Variants in ADAMTS3 observed in about 807,000 individuals in gnomAD.
ADAMTS3 encodes ADAM metallopeptidase with thrombospondin type 1 motif 3.
A neutral mutation model predicts 129.0 loss-of-function variants in ADAMTS3; 73 were observed. That is an observed-to-expected ratio of 0.57 (90% CI 0.47 to 0.69). ADAMTS3 has a LOEUF of 0.69. Among genes scored for constraint, ADAMTS3 ranks in the 30% least tolerant of loss-of-function variants. The pLI is 0.00. For synonymous variants in ADAMTS3, 477 were observed against 510.8 expected, an observed-to-expected ratio of 0.93 and a Z score of 0.89; for missense variants, 1,457 against 1,514.5, an observed-to-expected ratio of 0.96 and a Z score of 0.63.
At chr4:72,380,594 A>G (rs1721261382) in intron 4 of ADAMTS3, among the ~76,000 whole-genome samples, 1 of 152,144 alleles carries the variant, frequency 6.6e-6, no homozygotes, top group Non-Finnish European at 1.5e-5. Flanking sequence ...TTCTGGTAAG[A>G]CAAGAACACC....
At chr4:72,568,559 A>G in intron 1 of ADAMTS3, 135 bp downstream of exon 1, 1 of 736,268 alleles carries the variant, frequency 1.4e-6, no homozygotes, top group Non-Finnish European at 2.3e-6. Flanking sequence ...CCCTCAAAAC[A>G]CCGTTTCTGA....
At position 72,381,843 on chromosome 4, in the gene ADAMTS3, G is replaced by A. The variant is rs769810221; in HGVS notation, c.661+32972C>T. ...TGGTGAAGTAATTACAATAATATAA[G>A]AAATAAATTGAAATATTGATAACCA... On this transcript the variant is annotated intron_variant, in intron 4 of 21. Transcript: ENST00000286657. 2.0e-5 allele frequency among the ~76,000 whole-genome samples: 3 copies of A among 152,132 alleles called. No individual in the cohort carries two copies. The East Asian group carries it at 5.8e-4, about 29-fold the overall frequency.
At chr4:72,329,526 A>G (rs114366971) in intron 5 of ADAMTS3, among the ~76,000 whole-genome samples, 2,693 of 152,298 alleles carry the variant, frequency 0.018, 82 homozygotes, top group African/African-American at 0.061. Flanking sequence ...TCAAATGATT[A>G]GCAAAGCTAT....
chr4:72,467,941 A>C (rs1163919144), intron 3 of ADAMTS3, among the ~76,000 whole-genome samples: 1 of 152,084 alleles, frequency 6.6e-6, no homozygotes, highest in African/African-American at 2.4e-5. Flanking sequence ...ATGTTCAAAG[A>C]GGTTAAGCTA....
At chr4:72,346,729 T>C (rs1185468904) in intron 4 of ADAMTS3, among the ~76,000 whole-genome samples, 1 of 152,194 alleles carries the variant, frequency 6.6e-6, no homozygotes. Flanking sequence ...CTCGTTGTTA[T>C]AGCTGAGATT....
intron 11 of ADAMTS3, 130 bp downstream of exon 11, chr4:72,315,728 T>C (rs950039914): frequency 3.4e-6 from 2 of 586,026 alleles, no homozygotes; most frequent in African/African-American, 3.9e-5. Flanking sequence ...TACATTACTT[T>C]AATAAAGCCT....
chr4:72,390,497 C>T (rs147857493), intron 4 of ADAMTS3, among the ~76,000 whole-genome samples: 5 of 152,268 alleles, frequency 3.3e-5, no homozygotes, highest in African/African-American at 1.2e-4. Context: ...AGGCAGACTA[C>T]ATCCAAAGCT....
rs148091924 is a variant in ADAMTS3, at chr4:72,369,100, G to A, written c.662-29407C>T. ...ATTGCAAAGAATAGGATGAAAAACA[G>A]TTAAAAGTAGATCCGAACACTTACA... On this transcript the variant is annotated intron_variant, in intron 4 of 21. Coordinates refer to ENST00000286657, the MANE Select transcript of ADAMTS3 (RefSeq NM_014243.3). 1.4e-3 allele frequency among the ~76,000 whole-genome samples: 209 copies of A among 152,326 alleles called. 1 individual carries two copies. Among genetic ancestry groups the A allele is most frequent in the Non-Finnish European group, 2.5e-4 (17 of 68,026 alleles).
intron 4 of ADAMTS3, among the ~76,000 whole-genome samples, chr4:72,341,601 T>C (rs1011362031): frequency 6.6e-6 from 1 of 152,190 alleles, no homozygotes; most frequent in African/African-American, 2.4e-5. Context: ...ATGGCTCCTG[T>C]TGGCAGAATG....
At chr4:72,520,433 T>C (rs1401076193) in intron 3 of ADAMTS3, among the ~76,000 whole-genome samples, 2 of 152,178 alleles carry the variant, frequency 1.3e-5, no homozygotes, top group Non-Finnish European at 2.9e-5. Context: ...GTCTGTGCCC[T>C]GCCCCCAGAG....
chr4:72,529,651 A>G (rs984698867), intron 3 of ADAMTS3, among the ~76,000 whole-genome samples: 1 of 130,352 alleles, frequency 7.7e-6, no homozygotes, highest in Non-Finnish European at 1.6e-5. Flanking sequence ...AATACATTAT[A>G]ATATATATAT....
intron 4 of ADAMTS3, among the ~76,000 whole-genome samples, chr4:72,400,026 C>T (rs545145896): frequency 3.0e-4 from 2 of 6,562 alleles, no homozygotes; most frequent in African/African-American, 8.3e-4. Flanking sequence ...TGTGTATATA[C>T]GTGTGTATAT....
chr4:72,516,675 T>A (rs547074006), intron 3 of ADAMTS3, among the ~76,000 whole-genome samples: 1 of 152,166 alleles, frequency 6.6e-6, no homozygotes, highest in Admixed American at 6.5e-5. Context: ...GTGATTTTTG[T>A]ACATTGATTT....
intron 3 of ADAMTS3, among the ~76,000 whole-genome samples, chr4:72,469,971 T>C (rs1719020756): frequency 1.3e-5 from 2 of 152,138 alleles, no homozygotes; most frequent in African/African-American, 4.8e-5. Context: ...GGTTAAGCTT[T>C]AAGGGAGTCA....
chr4:72,521,427 T>C (rs1442905050), intron 3 of ADAMTS3, among the ~76,000 whole-genome samples: 2 of 152,228 alleles, frequency 1.3e-5, no homozygotes, highest in Non-Finnish European at 2.9e-5. Context: ...ATCAGGGATC[T>C]TTTGAAATCA....
chr4:72,455,948 C>CAGTATATATACTATATATTTTATATAT (rs1718561315), intron 3 of ADAMTS3, among the ~76,000 whole-genome samples: 2 of 73,888 alleles, frequency 2.7e-5, no homozygotes, highest in African/African-American at 1.2e-4. Context: ...AGTATATATA[C>CAGTATATATACTATATATTTTATATAT]AGTATATATA....
At position 72,319,751 on chromosome 4, in the gene ADAMTS3, C is replaced by T. The variant is rs904380140; in HGVS notation, c.1208+107G>A. 6 of 978,264 alleles carry T rather than the reference C, an allele frequency of 6.1e-6. No homozygotes were observed. In the African/African-American group the frequency reaches 8.2e-5, roughly 13 times the overall value. 60.6% of individuals were successfully genotyped at this position (978,264 alleles called of 1,614,324 possible). A position where few individuals can be genotyped will look rare whatever the true frequency, so the allele number is the denominator to read the frequency against. On this transcript the variant is annotated intron_variant, in intron 8 of 21. Coordinates refer to ENST00000286657, the MANE Select transcript of ADAMTS3 (RefSeq NM_014243.3). The stretch of plus-strand genomic sequence containing the variant: ...GCAGCTCTTCACACTTGGCAAAAGA[C>T]AAGAATTGTATGCTGGCATGCATTC...
At chr4:72,295,158 G>A (rs1718772704) in intron 19 of ADAMTS3, among the ~76,000 whole-genome samples, 1 of 151,994 alleles carries the variant, frequency 6.6e-6, no homozygotes. Flanking sequence ...AATAATCAAT[G>A]CATGCTGTGT....
chr4:72,340,768 GA>G (rs895349312), intron 4 of ADAMTS3, among the ~76,000 whole-genome samples: 3 of 151,776 alleles, frequency 2.0e-5, no homozygotes, highest in African/African-American at 4.8e-5. Context: ...TATTTTTTGA[GA>G]AAAAAAGTTT....
Sources: allele counts gnomAD v4.1 joint callset (sites outside exome capture counted in the v4.1 genomes callset), GRCh38; gene constraint gnomAD v4.1.1; transcripts MANE v1.5; gene names NCBI Gene and HGNC (gene_info 2026-07-23, HGNC 2026-07-21).